Variants in EPB41L1 observed in about 807,000 individuals in gnomAD.
The protein encoded by EPB41L1 is band 4.1-like protein 1.
A neutral mutation model predicts 97.8 loss-of-function variants in EPB41L1; 29 were observed. The ratio of observed to expected loss-of-function variants is 0.30; its 90% CI spans 0.22 to 0.40. EPB41L1 has a LOEUF of 0.40. Ranked by LOEUF, EPB41L1 falls within the 10% of genes least tolerant of loss-of-function variation. The pLI, the probability that EPB41L1 is intolerant of heterozygous loss-of-function variation, is 1.00. For missense variants in EPB41L1, 812 were observed against 1,162.3 expected, an observed-to-expected ratio of 0.70 and a Z score of 4.38; for synonymous variants, 383 against 459.2, an observed-to-expected ratio of 0.83 and a Z score of 2.12.
At chr20:36,147,826 C>A (rs1159229724) in intron 2 of EPB41L1, among the ~76,000 whole-genome samples, 1 of 152,166 alleles carries the variant, frequency 6.6e-6, no homozygotes, top group Non-Finnish European at 1.5e-5. Context: ...ATTAGAGATG[C>A]TGTGATGATG....
intron 2 of EPB41L1, among the ~76,000 whole-genome samples, chr20:36,138,721 G>A (rs116312739): frequency 0.012 from 1,860 of 152,308 alleles, 34 homozygotes; most frequent in African/African-American, 0.043. Context: ...ACTCAGAGAG[G>A]TTAAGTTATT....
chr20:36,214,354 C>A lies in EPB41L1; in HGVS notation c.2185-3C>A. 6.2e-7 allele frequency: 1 copy of A among 1,613,664 alleles called. No individual in the cohort carries two copies. Among genetic ancestry groups the A allele is most frequent in the South Asian group, 1.1e-5 (1 of 90,996 alleles). On this transcript the variant is annotated splice_polypyrimidine_tract_variant and splice_region_variant and intron_variant, in intron 16 of 21. Coordinates refer to ENST00000338074, the MANE Select transcript of EPB41L1 (RefSeq NM_012156.2). ...CAGCTCTAACGACTCCTCCTCTGGTCAGCAGGTTGATGGGAGTGCCTCAGT... is the reference window on the plus strand; with the variant it reads ...CAGCTCTAACGACTCCTCCTCTGGTAAGCAGGTTGATGGGAGTGCCTCAGT...
intron 2 of EPB41L1, among the ~76,000 whole-genome samples, chr20:36,175,242 A>T (rs1182131862): frequency 2.0e-5 from 3 of 152,100 alleles, no homozygotes; most frequent in African/African-American, 7.2e-5. Flanking sequence ...CTCTGGGGAG[A>T]CAGGGCAGCT....
At chr20:36,193,036 C>T (rs1333422549) in intron 11 of EPB41L1, among the ~76,000 whole-genome samples, 2 of 152,176 alleles carry the variant, frequency 1.3e-5, no homozygotes. Flanking sequence ...CCTTCTTCTC[C>T]TTGGGTAGAC....
intron 1 of EPB41L1, among the ~76,000 whole-genome samples, chr20:36,159,252 A>T (rs1247996273): frequency 6.6e-6 from 1 of 152,150 alleles, no homozygotes; most frequent in African/African-American, 2.4e-5. Context: ...TTTCCTTTGA[A>T]TTATTTCTTT....
chr20:36,229,510 A>C lies in EPB41L1; in HGVS notation c.*170A>C. The C allele has an allele frequency of 3.2e-6, 2 of 633,464 alleles. No individual in the cohort carries two copies. Among genetic ancestry groups the C allele is most frequent in the Non-Finnish European group, 5.7e-6 (2 of 351,056 alleles). The allele number at this position is 633,464 out of a possible 1,614,324, so 39.2% of individuals were successfully genotyped here. A position where few individuals can be genotyped will look rare whatever the true frequency, so the allele number is the denominator to read the frequency against. On this transcript the variant is annotated 3_prime_UTR_variant, in exon 22 of 22. Transcript: ENST00000338074. Reference sequence around the variant, plus strand: ...CATATATATATAGATATATAGAGATATAGATATATATACAGGAAACACCGC... The same window carrying C: ...CATATATATATAGATATATAGAGATCTAGATATATATACAGGAAACACCGC...
chr20:36,197,841 C>T lies in EPB41L1; in HGVS notation c.1486-18C>T, dbSNP rs768270576. The stretch of plus-strand genomic sequence containing the variant: ...GAGCTGTTCCCCTAACACCACCACC[C>T]TCTCCATCTATCCCTAGTTCTTAGA... On this transcript the variant is annotated intron_variant, in intron 13 of 21. Transcript: ENST00000338074. 9 of 1,614,096 alleles carry T rather than the reference C, an allele frequency of 5.6e-6. No homozygotes were observed. The highest frequency in any genetic ancestry group is 1.6e-4 in the Middle Eastern group (1 of 6,062).
intron 7 of EPB41L1, among the ~76,000 whole-genome samples, chr20:36,186,748 T>C (rs1470029818): frequency 6.6e-6 from 1 of 152,214 alleles, no homozygotes; most frequent in Non-Finnish European, 1.5e-5. Flanking sequence ...CAGATCAATA[T>C]GGGCTGGAGA....
At chr20:36,174,460 ACAGAGTCT>A (rs2061138365) in intron 2 of EPB41L1, among the ~76,000 whole-genome samples, 1 of 152,066 alleles carries the variant, frequency 6.6e-6, no homozygotes, top group Non-Finnish European at 1.5e-5. Flanking sequence ...TTTAGTAAAG[ACAGAGTCT>A]CACCATATTG....
chr20:36,188,236 T>G, intron 8 of EPB41L1, 111 bp from the exon 9 acceptor site: 1 of 1,451,206 alleles, frequency 6.9e-7, no homozygotes, highest in East Asian at 2.3e-5. Context: ...CTAACCCTGT[T>G]CCTGAGAGCT....
chr20:36,194,904 C>T (rs921978592), intron 12 of EPB41L1, among the ~76,000 whole-genome samples: 1 of 152,212 alleles, frequency 6.6e-6, no homozygotes, highest in African/African-American at 2.4e-5. Context: ...TCCATGCACA[C>T]AGATGTGCAA....
At chr20:36,177,777 A>G (rs534423843) in intron 3 of EPB41L1, among the ~76,000 whole-genome samples, 175 bp from the exon 4 acceptor site, 2 of 152,204 alleles carry the variant, frequency 1.3e-5, no homozygotes, top group South Asian at 2.1e-4. Flanking sequence ...TGTCACCCCC[A>G]GGATCCCTTA....
intron 14 of EPB41L1, among the ~76,000 whole-genome samples, chr20:36,203,246 C>T (rs2062603379): frequency 6.6e-6 from 1 of 152,112 alleles, no homozygotes. Flanking sequence ...CTACATTTTA[C>T]TTTGTCCCCC....
chr20:36,209,902 C>T lies in EPB41L1; in HGVS notation c.2079+4C>T, dbSNP rs766993119. ...CCCGGATATGCCCCAGTTTGAGGTA[C>T]AGTGGAGCTTCCTCAAGAGCCAGGC... is the stretch of plus-strand genomic sequence containing the variant. On this transcript the variant is annotated splice_donor_region_variant and intron_variant, in intron 15 of 21. Transcript: ENST00000338074. The surrounding 1 kb of genome is among the most constrained non-coding windows in gnomAD (Gnocchi z 4.2). 25 of 1,612,846 alleles carry T rather than the reference C, an allele frequency of 1.6e-5. No individual in the cohort carries two copies. Among genetic ancestry groups the T allele is most frequent in the Non-Finnish European group, 2.1e-5 (25 of 1,179,918 alleles).
intron 2 of EPB41L1, among the ~76,000 whole-genome samples, chr20:36,120,651 C>T (rs1181051415): frequency 2.0e-5 from 3 of 152,138 alleles, no homozygotes; most frequent in Non-Finnish European, 4.4e-5. Context: ...GTGCTTGGGC[C>T]TAGAAATGGA....
chr20:36,100,677 C>G (rs189460847), intron 1 of EPB41L1, among the ~76,000 whole-genome samples: 1 of 152,344 alleles, frequency 6.6e-6, no homozygotes, highest in East Asian at 1.9e-4. Flanking sequence ...CAATCTAGAT[C>G]TGTCCGAAGC....
chr20:36,210,093 C>T (rs2063047968), intron 15 of EPB41L1, among the ~76,000 whole-genome samples, 195 bp downstream of exon 15: 1 of 152,192 alleles, frequency 6.6e-6, no homozygotes. Flanking sequence ...AACACGCGCT[C>T]CTTGGTATTT....
intron 6 of EPB41L1, 107 bp from the exon 7 acceptor site, chr20:36,185,010 A>G (rs1391033055): frequency 6.2e-6 from 7 of 1,137,014 alleles, no homozygotes; most frequent in African/African-American, 1.5e-5. Flanking sequence ...CTACAAACAC[A>G]CTTTTCTGCT....
At chr20:36,165,923 G>A (rs893659831) in intron 1 of EPB41L1, among the ~76,000 whole-genome samples, 3 of 152,262 alleles carry the variant, frequency 2.0e-5, no homozygotes, top group African/African-American at 7.2e-5. Flanking sequence ...GAACTCTGGA[G>A]TCAGAGATAC....
Sources: gnomAD v4.1 joint callset for allele counts (sites outside exome capture counted in the v4.1 genomes callset) on GRCh38, gnomAD v4.1.1 for gene constraint, Gnocchi (gnomAD v3.1) non-coding constraint, MANE v1.5 for transcripts, NCBI Gene and HGNC (gene_info 2026-07-23, HGNC 2026-07-21) for gene names.